The following KLRG1 variants were observed in gnomAD, a reference collection of about 807,000 sequenced individuals.
KLRG1 encodes killer cell lectin-like receptor subfamily G member 1.
KLRG1 carries 16 observed loss-of-function variants against 21.8 expected under a neutral mutation model. The observed-to-expected ratio is 0.73, with a 90% CI of 0.50 to 1.11. The LOEUF (loss-of-function observed/expected upper bound fraction) is 1.11, where lower values mean the gene tolerates loss of function less well. Among genes scored for constraint, KLRG1 ranks in the 50% most tolerant of loss-of-function variants. The pLI is 0.00. For missense variants in KLRG1, 173 were observed against 218.3 expected (o/e 0.79, Z 1.31); for synonymous variants, 69 against 75.9 (o/e 0.91, Z 0.47).
the KLRG1 span, chr12:9,068,245 A>C: frequency 6.9e-6 from 11 of 1,601,402 alleles, no homozygotes; most frequent in Non-Finnish European, 9.3e-6. Context: ...AAAAACCAAC[A>C]AAAAACCAGA....
chr12:9,166,030 G>A, the KLRG1 span: 1 of 1,584,140 alleles, frequency 6.3e-7, no homozygotes, highest in Admixed American at 1.9e-5. Flanking sequence ...TCCAGCAAAT[G>A]GAGGAAAGTA....
chr12:9,106,867 T>G, the KLRG1 span, among the ~76,000 whole-genome samples: 3 of 152,346 alleles, frequency 2.0e-5, no homozygotes, highest in Middle Eastern at 6.8e-3. Context: ...AGGAGTAATT[T>G]TTTTTGTACA....
At chr12:9,104,435 T>C in the KLRG1 span, 90 of 1,543,740 alleles carry the variant, frequency 5.8e-5, no homozygotes, top group Non-Finnish European at 7.0e-5. Flanking sequence ...GTTATATTGG[T>C]AATAACTAAT....
the KLRG1 span, chr12:9,197,254 G>C: frequency 1.7e-6 from 1 of 598,010 alleles, no homozygotes. Flanking sequence ...CAAGTAGAAA[G>C]CTGTCTGGAA....
chr12:9,133,111 A>G, the KLRG1 span, among the ~76,000 whole-genome samples: 2 of 152,168 alleles, frequency 1.3e-5, no homozygotes, highest in Non-Finnish European at 2.9e-5. Flanking sequence ...CTACTAGGGC[A>G]AGTGCTGGGT....
the KLRG1 span, among the ~76,000 whole-genome samples, chr12:9,034,132 T>C: frequency 6.6e-6 from 1 of 152,348 alleles, no homozygotes; most frequent in African/African-American, 2.4e-5. Context: ...GTAGAAGAGA[T>C]ACATACAGTC....
the KLRG1 span, among the ~76,000 whole-genome samples, chr12:9,073,080 A>G: frequency 4.6e-5 from 7 of 152,128 alleles, no homozygotes; most frequent in Admixed American, 3.3e-4. Context: ...TATGCCCTAC[A>G]TGTTTATTTT....
chr12:9,032,880 C>T, the KLRG1 span, among the ~76,000 whole-genome samples: 2 of 152,170 alleles, frequency 1.3e-5, no homozygotes, highest in Non-Finnish European at 2.9e-5. Context: ...GATTTTACCC[C>T]AATCAATCAA....
the KLRG1 span, chr12:9,160,297 T>C: frequency 6.3e-7 from 1 of 1,584,536 alleles, no homozygotes; most frequent in Non-Finnish European, 8.6e-7. Flanking sequence ...AAGTAAATTT[T>C]TCTCTGTCTC....
At chr12:9,105,266 G>T in the KLRG1 span, among the ~76,000 whole-genome samples, 1 of 152,150 alleles carries the variant, frequency 6.6e-6, no homozygotes, top group Non-Finnish European at 1.5e-5. Flanking sequence ...ACAAAGACAA[G>T]AATAGGCACA....
At chr12:9,113,567 G>C in the KLRG1 span, 3 of 1,604,802 alleles carry the variant, frequency 1.9e-6, no homozygotes, top group Non-Finnish European at 2.6e-6. Flanking sequence ...GGTTCAGTTA[G>C]AGGAAAGTGA....
At chr12:8,967,051 T>A (rs1946485402) in intron 1 of KLRG1, among the ~76,000 whole-genome samples, 1 of 150,112 alleles carries the variant, frequency 6.7e-6, no homozygotes, top group African/African-American at 2.4e-5. Flanking sequence ...TGGATGAAGC[T>A]GGAAACCATC....
At chr12:9,064,403 G>T in the KLRG1 span, 1 of 154,272 alleles carries the variant, frequency 6.5e-6, no homozygotes, top group Non-Finnish European at 1.5e-5. The surrounding 1 kb of genome is among the most constrained non-coding windows in gnomAD (Gnocchi z 4.0). Context: ...TGGGACATCT[G>T]TGCCTCGCGT....
chr12:9,019,280 A>G, the KLRG1 span, among the ~76,000 whole-genome samples: 1 of 152,182 alleles, frequency 6.6e-6, no homozygotes. Flanking sequence ...AAATGATGGT[A>G]AGGATGTGGA....
chr12:9,093,169 C>T, the KLRG1 span, among the ~76,000 whole-genome samples: 4 of 152,108 alleles, frequency 2.6e-5, no homozygotes, highest in African/African-American at 9.7e-5. Flanking sequence ...ATCTAAAGTA[C>T]AGCATGAGGA....
intron 3 of KLRG1, among the ~76,000 whole-genome samples, chr12:9,005,119 C>T (rs750587475): frequency 6.6e-6 from 1 of 152,020 alleles, no homozygotes; most frequent in South Asian, 2.1e-4. Context: ...AAACCAAACA[C>T]CGCATGTTCT....
the KLRG1 span, among the ~76,000 whole-genome samples, chr12:9,097,670 A>G: frequency 7.9e-6 from 1 of 126,330 alleles, no homozygotes. Flanking sequence ...GTCTTGCTCT[A>G]TTGCCCAGGC....
chr12:9,077,469 A>G, the KLRG1 span: 66 of 1,551,240 alleles, frequency 4.3e-5, no homozygotes, highest in Non-Finnish European at 5.4e-5. Flanking sequence ...TGAGAATGCT[A>G]TTGATTAGTT....
the KLRG1 span, chr12:9,104,251 A>G: frequency 6.2e-7 from 1 of 1,612,030 alleles, no homozygotes; most frequent in Non-Finnish European, 8.5e-7. Flanking sequence ...TAACAGTAAG[A>G]GAGGTACCCA....
Sources: gnomAD v4.1 joint callset for allele counts (sites outside exome capture counted in the v4.1 genomes callset) on GRCh38, gnomAD v4.1.1 for gene constraint, Gnocchi (gnomAD v3.1) non-coding constraint, MANE v1.5 for transcripts, NCBI Gene and HGNC (gene_info 2026-07-23, HGNC 2026-07-21) for gene names.